Variants in ZRANB3 observed in about 807,000 individuals in gnomAD.
ZRANB3 encodes the protein DNA annealing helicase and endonuclease ZRANB3.
Under a neutral mutation model 133.8 loss-of-function variants are expected in ZRANB3, and 125 were observed. The observed-to-expected ratio is 0.93, with a 90% CI of 0.81 to 1.08. The LOEUF is 1.08. Among genes scored for constraint, ZRANB3 ranks in the 50% least tolerant of loss-of-function variants. ZRANB3 has a pLI of 0.00. For missense variants in ZRANB3, 1,229 were observed against 1,275.5 expected (o/e 0.96, Z 0.56); for synonymous variants, 387 against 432.7 (o/e 0.89, Z 1.31).
intron 2 of ZRANB3, among the ~76,000 whole-genome samples, chr2:135,491,214 A>G (rs1372988700): frequency 1.3e-5 from 2 of 152,248 alleles, no homozygotes; most frequent in Non-Finnish European, 2.9e-5. Context: ...AACTATTTAA[A>G]TAATCTGGTT....
chr2:135,461,432 T>C (rs1159848176), intron 2 of ZRANB3, among the ~76,000 whole-genome samples: 1 of 152,080 alleles, frequency 6.6e-6, no homozygotes, highest in Non-Finnish European at 1.5e-5. Flanking sequence ...TTAGCCGGTC[T>C]TGGCGATGCA....
At chr2:135,202,387 C>T (rs1468760899) in intron 20 of ZRANB3, 1 of 152,528 alleles carries the variant, frequency 6.6e-6, no homozygotes, top group East Asian at 1.9e-4. Flanking sequence ...AAAGATGGGG[C>T]AGAGTTAATT....
intron 9 of ZRANB3, among the ~76,000 whole-genome samples, chr2:135,272,413 G>GTTTTTTTTT (rs1558877433): frequency 9.1e-6 from 1 of 109,910 alleles, no homozygotes; most frequent in Non-Finnish European, 1.6e-5. Flanking sequence ...GGAAAATAGA[G>GTTTTTTTTT]CTTTTTTTTT....
At chr2:135,361,669 T>C (rs1340026400) in intron 3 of ZRANB3, among the ~76,000 whole-genome samples, 1 of 152,234 alleles carries the variant, frequency 6.6e-6, no homozygotes, top group Non-Finnish European at 1.5e-5. Flanking sequence ...GGCCTGTTTG[T>C]TATAAAAGAG....
At chr2:135,505,611 A>G (rs1441370096) in intron 1 of ZRANB3, among the ~76,000 whole-genome samples, 2 of 151,884 alleles carry the variant, frequency 1.3e-5, no homozygotes, top group African/African-American at 4.8e-5. Flanking sequence ...TTCCTCAATT[A>G]CATGCAGACT....
At chr2:135,485,607 C>G (rs1038709613) in intron 2 of ZRANB3, among the ~76,000 whole-genome samples, 6 of 152,104 alleles carry the variant, frequency 3.9e-5, no homozygotes, top group Non-Finnish European at 8.8e-5. Flanking sequence ...TAGTTGGTCA[C>G]AATACTGTCA....
intron 2 of ZRANB3, among the ~76,000 whole-genome samples, chr2:135,452,616 G>A (rs1690324989): frequency 1.3e-5 from 2 of 152,154 alleles, no homozygotes; most frequent in African/African-American, 4.8e-5. Flanking sequence ...CAAAATAAAG[G>A]GGTTGTAGGG....
At chr2:135,396,446 T>C (rs1687488112) in intron 2 of ZRANB3, among the ~76,000 whole-genome samples, 1 of 152,034 alleles carries the variant, frequency 6.6e-6, no homozygotes, top group Non-Finnish European at 1.5e-5. Context: ...ATAAAGAAAA[T>C]GTGGTACATA....
intron 6 of ZRANB3, among the ~76,000 whole-genome samples, chr2:135,328,904 G>T (rs1333787031): frequency 6.6e-6 from 1 of 151,986 alleles, no homozygotes; most frequent in East Asian, 1.9e-4. Flanking sequence ...ACTTTTGGCT[G>T]GGGTTGATTT....
intron 1 of ZRANB3, chr2:135,510,867 A>G: frequency 8.5e-7 from 1 of 1,183,178 alleles, no homozygotes; most frequent in Non-Finnish European, 1.3e-6. Flanking sequence ...ATTTTGAAAG[A>G]AATCTTTAAG....
At chr2:135,514,049 C>T (rs1693593955) in intron 1 of ZRANB3, among the ~76,000 whole-genome samples, 1 of 152,080 alleles carries the variant, frequency 6.6e-6, no homozygotes, top group Non-Finnish European at 1.5e-5. Context: ...CCTTGTAGCA[C>T]AGTTTGAAGT....
At chr2:135,504,089 C>A in intron 2 of ZRANB3, 1 of 538,688 alleles carries the variant, frequency 1.9e-6, no homozygotes, top group Non-Finnish European at 3.4e-6. Context: ...CTGAGAGTAT[C>A]TGATAACTGA....
Position 135,227,871 on chromosome 2 carries a change from C to A in ZRANB3, c.2099G>T (p.Ser700Ile). The change falls in exon 14 of 21, where the codon AGC (serine) becomes ATC (isoleucine). Residue 700 changes from serine (S) to isoleucine (I), a missense_variant. Physicochemically the swap from Ser to Ile is moderately radical, Grantham distance 142. Transcript: ENST00000264159. ...AQSEPGQLAD[S>I]KEETPKIEKE... ...CTCAATTTTTGGTGTTTCTTCCTTGCTGTCAGCCAACTGGCCAGGTTCTGA... is the reference window on the plus strand; with the variant it reads ...CTCAATTTTTGGTGTTTCTTCCTTGATGTCAGCCAACTGGCCAGGTTCTGA... 6.3e-7 allele frequency: 1 copy of A among 1,575,060 alleles called. No individual in the cohort carries two copies. Among genetic ancestry groups the A allele is most frequent in the African/African-American group, 1.3e-5 (1 of 74,520 alleles).
intron 6 of ZRANB3, among the ~76,000 whole-genome samples, chr2:135,343,256 G>A (rs2104863516): frequency 6.7e-6 from 1 of 148,340 alleles, no homozygotes; most frequent in Non-Finnish European, 1.5e-5. Context: ...CACATATAGA[G>A]ATGATGAGGT....
intron 2 of ZRANB3, among the ~76,000 whole-genome samples, chr2:135,394,777 A>T (rs187498578): frequency 1.1e-3 from 166 of 152,142 alleles, no homozygotes; most frequent in Non-Finnish European, 1.1e-3. Context: ...AAGTCAAGAG[A>T]GGGGAAGAAT....
At position 135,458,427 on chromosome 2, in the gene ZRANB3, G is replaced by A. The variant is rs2105013578; in HGVS notation, c.161+45902C>T. Among the ~76,000 whole-genome samples, 4 of 151,732 alleles carry A rather than the reference G, an allele frequency of 2.6e-5. No homozygotes were observed. In the South Asian group the frequency reaches 8.3e-4, roughly 32 times the overall value. ...AAAAAAGGCAACTGGAATCTTGATA[G>A]CTATTACACTGAATGTGTAATATCA... On this transcript the variant is annotated intron_variant, in intron 2 of 20. Transcript: ENST00000264159.
intron 2 of ZRANB3, among the ~76,000 whole-genome samples, chr2:135,485,358 G>A (rs542920952): frequency 3.3e-5 from 5 of 152,226 alleles, no homozygotes; most frequent in Admixed American, 6.5e-5. Context: ...AAGGCTCAAC[G>A]ACAAATGCTG....
At chr2:135,483,993 C>T (rs1350556154) in intron 2 of ZRANB3, among the ~76,000 whole-genome samples, 1 of 152,122 alleles carries the variant, frequency 6.6e-6, no homozygotes, top group Non-Finnish European at 1.5e-5. Flanking sequence ...GTTATAATTT[C>T]TGTTCTTTTA....
chr2:135,348,646 G>A (rs1445715624), intron 5 of ZRANB3, among the ~76,000 whole-genome samples: 4 of 152,136 alleles, frequency 2.6e-5, no homozygotes, highest in Admixed American at 2.6e-4. Flanking sequence ...CCAGACTGGA[G>A]TGCAATGGTG....
Sources: gnomAD v4.1 joint callset for allele counts (sites outside exome capture counted in the v4.1 genomes callset) on GRCh38, gnomAD v4.1.1 for gene constraint, MANE v1.5 for transcripts, NCBI Gene and HGNC (gene_info 2026-07-23, HGNC 2026-07-21) for gene names.